PDE4B: variants seen among roughly 807,000 people sequenced by gnomAD.
PDE4B encodes the protein phosphodiesterase 4B, also known as 3',5'-cyclic-AMP phosphodiesterase 4B.
PDE4B carries 20 observed loss-of-function variants against 82.2 expected under a neutral mutation model. That is an observed-to-expected ratio of 0.24 (90% confidence interval 0.17 to 0.35). The LOEUF (loss-of-function observed/expected upper bound fraction) is 0.35, where lower values mean the gene tolerates loss of function less well. PDE4B is among the 10% of genes least tolerant of loss of function. The pLI is 1.00. For missense variants in PDE4B, 655 were observed against 907.2 expected (o/e 0.72, Z 3.57); for synonymous variants, 320 against 318.9 (o/e 1.00, Z -0.04).
intron 1 of PDE4B, among the ~76,000 whole-genome samples, chr1:65,815,443 C>T (rs1399307146): frequency 6.6e-6 from 1 of 151,924 alleles, no homozygotes; most frequent in Non-Finnish European, 1.5e-5. Flanking sequence ...AGAAAAAATA[C>T]AACCAAAATT....
At chr1:65,801,697 C>T (rs1376644204) in intron 1 of PDE4B, among the ~76,000 whole-genome samples, 1 of 152,158 alleles carries the variant, frequency 6.6e-6, no homozygotes, top group Non-Finnish European at 1.5e-5. Flanking sequence ...GTGAGTCATA[C>T]CTCCTACTTA....
chr1:65,989,760 A>C (rs1651145598), intron 3 of PDE4B, among the ~76,000 whole-genome samples: 1 of 152,150 alleles, frequency 6.6e-6, no homozygotes, highest in Admixed American at 6.5e-5. Context: ...TGTCTCTCTC[A>C]AATAGTATAC....
chr1:66,279,549 C>T (rs1032907656), intron 7 of PDE4B, among the ~76,000 whole-genome samples: 4 of 151,834 alleles, frequency 2.6e-5, no homozygotes, highest in South Asian at 4.1e-4. Flanking sequence ...CGCTTGAACT[C>T]GGGAAGTGGA....
chr1:66,290,685 A>T (rs1657006786), intron 7 of PDE4B, among the ~76,000 whole-genome samples: 1 of 152,168 alleles, frequency 6.6e-6, no homozygotes, highest in African/African-American at 2.4e-5. Context: ...AGCAGGGATA[A>T]TTTCCAATGC....
intron 3 of PDE4B, among the ~76,000 whole-genome samples, chr1:66,065,267 A>G (rs977637070): frequency 3.3e-5 from 5 of 151,930 alleles, no homozygotes; most frequent in African/African-American, 1.2e-4. Context: ...GGAGCTAAAT[A>G]TTTATTGAGT....
At chr1:66,073,487 C>T (rs1333482057) in intron 3 of PDE4B, among the ~76,000 whole-genome samples, 1 of 152,038 alleles carries the variant, frequency 6.6e-6, no homozygotes, top group African/African-American at 2.4e-5. Context: ...AAACTAGGTA[C>T]TAGCAGTCTT....
intron 1 of PDE4B, among the ~76,000 whole-genome samples, chr1:65,855,655 A>G (rs765029710): frequency 5.9e-5 from 9 of 152,172 alleles, no homozygotes; most frequent in Non-Finnish European, 1.3e-4. Context: ...TATTCAGTGG[A>G]TTCAAGAAGA....
chr1:66,070,999 G>C, intron 3 of PDE4B, among the ~76,000 whole-genome samples: 1 of 151,896 alleles, frequency 6.6e-6, no homozygotes, highest in South Asian at 2.1e-4. Context: ...AAAAATGACT[G>C]TTTAAAATTT....
intron 3 of PDE4B, among the ~76,000 whole-genome samples, chr1:66,131,417 C>A (rs1645939717): frequency 6.7e-6 from 1 of 149,556 alleles, no homozygotes; most frequent in African/African-American, 2.5e-5. Flanking sequence ...TATGAGAAAT[C>A]ATGTTTAAAG....
In PDE4B at chr1:66,367,719, A is replaced by G. The variant is rs1228670114; in HGVS notation, c.1408A>G (p.Asn470Asp). Reference sequence around the variant, plus strand: ...AGATTCAGAACTTGCTTTGATGTATAATGATGAATCTGTGTTGGAAAATCA... The same window carrying G: ...AGATTCAGAACTTGCTTTGATGTATGATGATGAATCTGTGTTGGAAAATCA... ...NTNSELALMY[N>D]DESVLENHHL... Residue 470 changes from asparagine (N) to aspartate (D), a missense_variant, in exon 14 of 17, where the codon AAT becomes GAT. Physicochemically the swap from Asn to Asp is conservative, Grantham distance 23. Around this residue, in one of 3 missense-constraint regions of PDE4B, gnomAD observed 283 missense variants for 516.4 expected, o/e 0.55. Coordinates refer to ENST00000341517, the MANE Select transcript of PDE4B (RefSeq NM_002600.4). 1 of 1,613,210 alleles carries G rather than the reference A, an allele frequency of 6.2e-7. No homozygotes were observed.
At chr1:66,230,279 G>A (rs781598915) in intron 3 of PDE4B, among the ~76,000 whole-genome samples, 10 of 152,192 alleles carry the variant, frequency 6.6e-5, no homozygotes, top group Admixed American at 4.6e-4. Context: ...CTAGGAGAGC[G>A]TGTGATCCAG....
chr1:66,040,389 A>T (rs1654303672), intron 3 of PDE4B, among the ~76,000 whole-genome samples: 1 of 152,038 alleles, frequency 6.6e-6, no homozygotes, highest in African/African-American at 2.4e-5. Flanking sequence ...TGGAGGCACA[A>T]ATACATGTTT....
At chr1:65,848,344 C>T (rs575242114) in intron 1 of PDE4B, among the ~76,000 whole-genome samples, 19 of 152,068 alleles carry the variant, frequency 1.2e-4, no homozygotes, top group Non-Finnish European at 2.5e-4. Flanking sequence ...CGGGATTTCA[C>T]CATGTTGGCC....
intron 3 of PDE4B, among the ~76,000 whole-genome samples, chr1:66,181,465 C>T (rs1255471761): frequency 6.6e-6 from 1 of 152,152 alleles, no homozygotes; most frequent in Admixed American, 6.6e-5. Flanking sequence ...TAGAGGAATA[C>T]ATATCATATA....
rs770599403 is a variant in PDE4B, at chr1:65,918,779, C to G, written c.225C>G (p.Thr75=). 6.2e-7 allele frequency: 1 copy of G among 1,614,002 alleles called. No homozygotes were observed. Among genetic ancestry groups the G allele is most frequent in the Non-Finnish European group, 8.5e-7 (1 of 1,179,880 alleles). ...TPEGDGISRP[T]TLPLTTLPSI... ...AGGGAGATGGTATTTCCAGGCCGACCACACTGCCTTTGACAACGCTTCCAA... is the reference window on the plus strand; with the variant it reads ...AGGGAGATGGTATTTCCAGGCCGACGACACTGCCTTTGACAACGCTTCCAA... Residue 75 remains threonine (T), a synonymous_variant, in exon 3 of 17, where the codon ACC becomes ACG. Transcript: ENST00000341517.
chr1:66,315,666 G>A (rs1444146360), intron 7 of PDE4B, among the ~76,000 whole-genome samples: 1 of 152,092 alleles, frequency 6.6e-6, no homozygotes, highest in Non-Finnish European at 1.5e-5. Flanking sequence ...CACCATGTTG[G>A]TCAGGCTGGT....
intron 1 of PDE4B, among the ~76,000 whole-genome samples, chr1:65,853,554 G>A (rs770347363): frequency 2.0e-5 from 3 of 147,954 alleles, no homozygotes; most frequent in African/African-American, 5.0e-5. Context: ...TTTTTGAGAC[G>A]GAGTCTCACT....
intron 3 of PDE4B, among the ~76,000 whole-genome samples, chr1:66,117,491 A>G (rs1645619132): frequency 6.6e-6 from 1 of 152,208 alleles, no homozygotes; most frequent in African/African-American, 2.4e-5. Context: ...GGTGGATATA[A>G]TATTATGCTT....
chr1:65,910,747 C>G (rs1647080810), intron 1 of PDE4B, among the ~76,000 whole-genome samples: 1 of 152,106 alleles, frequency 6.6e-6, no homozygotes, highest in Non-Finnish European at 1.5e-5. Context: ...GAGAGGGTCC[C>G]CTCTTTCCTC....
Sources: allele counts gnomAD v4.1 joint callset (sites outside exome capture counted in the v4.1 genomes callset), GRCh38; gene constraint gnomAD v4.1.1; regional missense constraint gnomAD v4.1.1; transcripts MANE v1.5; gene names NCBI Gene and HGNC (gene_info 2026-07-23, HGNC 2026-07-21).